Variants in ZNF484 observed in about 807,000 individuals in gnomAD.
The protein encoded by ZNF484 is KRAB box containing C2H2 type zinc finger bA526D8.4.
Under a neutral mutation model 12.9 loss-of-function variants are expected in ZNF484, and 11 were observed. That is an observed-to-expected ratio of 0.85 (90% CI 0.54 to 1.41). The LOEUF (loss-of-function observed/expected upper bound fraction) is 1.41, where lower values mean the gene tolerates loss of function less well. ZNF484 is among the 40% of genes most tolerant of loss of function. The probability of loss-of-function intolerance (pLI) is 0.00; values close to 1 mark genes in which losing one functional copy is unlikely to be tolerated. For missense variants in ZNF484, 807 were observed against 1,007.7 expected, an observed-to-expected ratio of 0.80 and a Z score of 2.70; for synonymous variants, 289 against 334.1, an observed-to-expected ratio of 0.86 and a Z score of 1.47.
At chr9:92,863,253 C>T (rs1304674673) in intron 2 of ZNF484, among the ~76,000 whole-genome samples, 1 of 128,388 alleles carries the variant, frequency 7.8e-6, no homozygotes, top group Non-Finnish European at 1.6e-5. Context: ...ACAACACTCA[C>T]TGGGGCCTGT....
intron 2 of ZNF484, among the ~76,000 whole-genome samples, chr9:92,870,389 A>G (rs1171229521): frequency 1.3e-5 from 2 of 152,256 alleles, no homozygotes; most frequent in Non-Finnish European, 2.9e-5. Context: ...CAAATACCAC[A>G]GATTATAAAA....
chr9:92,863,183 A>G (rs1856873737), intron 2 of ZNF484, among the ~76,000 whole-genome samples: 2 of 149,594 alleles, frequency 1.3e-5, no homozygotes, highest in African/African-American at 4.9e-5. Context: ...ACCAAACGCT[A>G]CATGTTCTTA....
chr9:92,856,052 A>G, intron 3 of ZNF484, 140 bp downstream of exon 3: 5 of 1,376,740 alleles, frequency 3.6e-6, no homozygotes, highest in Non-Finnish European at 4.0e-6. Context: ...TAAGGACAAA[A>G]CCATTACACA....
Position 92,844,723 on chromosome 9 carries a change from A to C in ZNF484, c.*1505T>G, listed in dbSNP as rs1355127536. On this transcript the variant is annotated 3_prime_UTR_variant, in exon 5 of 5. Coordinates refer to ENST00000375495, the MANE Select transcript of ZNF484 (RefSeq NM_031486.4). ...AAAAGTATCCTTCAAAAATGAAGGC[A>C]AAATAAAACACTGCCAACAAATGAA... Among the ~76,000 whole-genome samples the C allele has an allele frequency of 6.6e-6, 1 of 152,232 alleles. No homozygotes were observed. Among genetic ancestry groups the C allele is most frequent in the Non-Finnish European group, 1.5e-5 (1 of 68,034 alleles).
At chr9:92,865,013 T>C (rs1564112447) in intron 2 of ZNF484, among the ~76,000 whole-genome samples, 1 of 148,634 alleles carries the variant, frequency 6.7e-6, no homozygotes, top group Non-Finnish European at 1.5e-5. Flanking sequence ...TAGACAGAAA[T>C]CACACACACA....
intron 2 of ZNF484, among the ~76,000 whole-genome samples, chr9:92,859,743 G>C (rs1856669286): frequency 6.6e-6 from 1 of 152,180 alleles, no homozygotes; most frequent in Non-Finnish European, 1.5e-5. Context: ...ACAATTCACA[G>C]AAGAACTCAC....
At chr9:92,864,684 T>C (rs936754626) in intron 2 of ZNF484, among the ~76,000 whole-genome samples, 3 of 151,980 alleles carry the variant, frequency 2.0e-5, no homozygotes, top group African/African-American at 7.2e-5. Context: ...TTCAGGAAAA[T>C]ATAATTCATA....
chr9:92,856,163 T>G (rs375785391), intron 3 of ZNF484, 29 bp downstream of exon 3: 8 of 1,608,618 alleles, frequency 5.0e-6, no homozygotes, highest in Non-Finnish European at 6.8e-6. Flanking sequence ...AGGTGCAGCC[T>G]ACTCTATACC....
intron 2 of ZNF484, among the ~76,000 whole-genome samples, chr9:92,858,284 A>G (rs539707845): frequency 5.3e-5 from 8 of 152,376 alleles, no homozygotes; most frequent in African/African-American, 9.6e-5. Context: ...ACAGCAAAAT[A>G]CAGAATTTCT....
At chr9:92,858,775 A>C (rs1274164625) in intron 2 of ZNF484, among the ~76,000 whole-genome samples, 1 of 152,170 alleles carries the variant, frequency 6.6e-6, no homozygotes, top group Non-Finnish European at 1.5e-5. Flanking sequence ...AAAATTAAAG[A>C]GTAAAAAAAT....
chr9:92,865,803 G>A (rs1158743194), intron 2 of ZNF484, among the ~76,000 whole-genome samples: 3 of 152,156 alleles, frequency 2.0e-5, no homozygotes, highest in Non-Finnish European at 4.4e-5. Context: ...CAGCTACTTG[G>A]GAGGCAGGGG....
At chr9:92,859,239 A>G (rs1382726179) in intron 2 of ZNF484, among the ~76,000 whole-genome samples, 3 of 152,222 alleles carry the variant, frequency 2.0e-5, no homozygotes, top group Non-Finnish European at 4.4e-5. Flanking sequence ...AAAAGCAAGG[A>G]TTGAGACTTC....
Position 92,845,389 on chromosome 9 carries a change from T to C in ZNF484, c.*839A>G, listed in dbSNP as rs1298128098. On this transcript the variant is annotated 3_prime_UTR_variant, in exon 5 of 5. Transcript: ENST00000375495. The surrounding 1 kb of genome is among the most constrained non-coding windows in gnomAD (Gnocchi z 4.0). Reference sequence around the variant, plus strand: ...GATAAAAGGAGAAGTCTTCCAAATGTTCAACTACATTTTATCTTCTAAGGA... The same window carrying C: ...GATAAAAGGAGAAGTCTTCCAAATGCTCAACTACATTTTATCTTCTAAGGA... 1 of 152,222 alleles carries C rather than the reference T, an allele frequency of 6.6e-6. No individual in the cohort carries two copies. The highest frequency in any genetic ancestry group is 6.5e-5 in the Admixed American group (1 of 15,278). 9.4% of individuals were successfully genotyped at this position (152,222 alleles called of 1,614,324 possible).
Position 92,846,842 on chromosome 9 carries a change from A to G in ZNF484, c.1945T>C (p.Ser649Pro), listed in dbSNP as rs1404108078. Residue 649 changes from serine (S) to proline (P), a missense_variant, in exon 5 of 5, where the codon TCA becomes CCA. Ser to Pro is a moderately conservative substitution (Grantham distance 74). Transcript: ENST00000375495. Reference sequence around the variant, plus strand: ...ATTTTCTGGTGTGTAAAGAGATTTGATCTGTCAGTAAAAGCCTTTCCACAT... The same window carrying G: ...ATTTTCTGGTGTGTAAAGAGATTTGGTCTGTCAGTAAAAGCCTTTCCACAT... ...AECGKAFTDR[S>P]NLFTHQKIHT... The G allele has an allele frequency of 2.5e-6, 4 of 1,613,860 alleles. No individual in the cohort carries two copies. Among genetic ancestry groups the G allele is most frequent in the Non-Finnish European group, 3.4e-6 (4 of 1,179,966 alleles).
intron 2 of ZNF484, among the ~76,000 whole-genome samples, chr9:92,860,637 C>CAA (rs1386712592): frequency 1.4e-5 from 2 of 143,982 alleles, no homozygotes; most frequent in African/African-American, 5.1e-5. Context: ...ACAAAACAAA[C>CAA]AAAAAAAAAC....
Position 92,848,210 on chromosome 9 carries a change from T to C in ZNF484, c.577A>G (p.Asn193Asp), listed in dbSNP as rs1403285966. 1 of 1,614,110 alleles carries C rather than the reference T, an allele frequency of 6.2e-7. No homozygotes were observed. The highest frequency in any genetic ancestry group is 1.1e-5 in the South Asian group (1 of 91,056). Residue 193 changes from asparagine to aspartate, a missense_variant, in exon 5 of 5, where the codon AAT becomes GAT. Asn to Asp is a conservative substitution (Grantham distance 23). Coordinates refer to ENST00000375495, the MANE Select transcript of ZNF484 (RefSeq NM_031486.4). This position sits in a 1 kb window ranked among gnomAD's most constrained non-coding sequence, Gnocchi z 4.1. ...KNLEPIITLY[N>D]RNNATENSDK... ...GAATTTTCTGTTGCATTGTTTCTAT[T>C]ATATAAGGTTATGATAGGCTCCAAA...
intron 4 of ZNF484, among the ~76,000 whole-genome samples, chr9:92,851,418 A>T (rs1013982563): frequency 2.0e-5 from 3 of 152,260 alleles, no homozygotes; most frequent in Non-Finnish European, 4.4e-5. Context: ...TAAAGTTTTT[A>T]TTGGAACACA....
At position 92,847,343 on chromosome 9, in the gene ZNF484, T is replaced by C; in HGVS notation, c.1444A>G (p.Asn482Asp). ...ECGKVFTHKTNLIIHQKIHTG... is the reference protein window; with the variant it reads ...ECGKVFTHKTDLIIHQKIHTG... ...TGAATTTTCTGGTGTATAATGAGAT[T>C]TGTCTTGTGAGTGAAGACCTTCCCA... Residue 482 changes from asparagine (N) to aspartate (D), a missense_variant, in exon 5 of 5, where the codon AAT becomes GAT. Transcript: ENST00000375495. The C allele has an allele frequency of 6.2e-7, 1 of 1,613,770 alleles. No individual in the cohort carries two copies. The highest frequency in any genetic ancestry group is 8.5e-7 in the Non-Finnish European group (1 of 1,179,896).
chr9:92,854,391 T>C (rs1463938669), intron 4 of ZNF484, among the ~76,000 whole-genome samples: 1 of 152,136 alleles, frequency 6.6e-6, no homozygotes. Context: ...GTATGCCCAA[T>C]GATAAAGCAA....
Sources: gnomAD v4.1 joint callset for allele counts (sites outside exome capture counted in the v4.1 genomes callset) on GRCh38, gnomAD v4.1.1 for gene constraint, Gnocchi (gnomAD v3.1) non-coding constraint, MANE v1.5 for transcripts, NCBI Gene and HGNC (gene_info 2026-07-23, HGNC 2026-07-21) for gene names.